The following WNT7A variants were observed in gnomAD, a reference collection of about 807,000 sequenced individuals.
The protein encoded by WNT7A is Wnt family member 7A, also known as protein Wnt-7a.
WNT7A carries 16 observed loss-of-function variants against 28.2 expected under a neutral mutation model. The observed-to-expected ratio is 0.57, with a 90% CI of 0.38 to 0.86. The LOEUF (loss-of-function observed/expected upper bound fraction) is 0.86. Ranked by LOEUF, WNT7A falls within the 40% of genes least tolerant of loss-of-function variation. The pLI is 0.00. For synonymous variants in WNT7A, 190 were observed against 195.9 expected, an observed-to-expected ratio of 0.97 and a Z score of 0.25; for missense variants, 411 against 489.7, an observed-to-expected ratio of 0.84 and a Z score of 1.52.
chr3:13,835,195 G>A (rs1694346558), intron 3 of WNT7A, among the ~76,000 whole-genome samples: 1 of 152,230 alleles, frequency 6.6e-6, no homozygotes, highest in African/African-American at 2.4e-5. Flanking sequence ...TCTTTGTCCT[G>A]ATGGTTCTCG....
chr3:13,856,101 T>C lies in WNT7A; in HGVS notation c.299-1298A>G, dbSNP rs1694726400. Among the ~76,000 whole-genome samples, 4 of 151,612 alleles carry C rather than the reference T, an allele frequency of 2.6e-5. No individual in the cohort carries two copies. In the South Asian group the frequency reaches 8.4e-4, roughly 32 times the overall value. On this transcript the variant is annotated intron_variant, in intron 2 of 3. Coordinates refer to ENST00000285018, the MANE Select transcript of WNT7A (RefSeq NM_004625.4). ...TCCCACCCTGCAGAAGGTAGGCCTG[T>C]CCACCTGCTGGACTGGACAGCTTCC...
At position 13,833,408 on chromosome 3, in the gene WNT7A, A is replaced by G. The variant is rs191934922; in HGVS notation, c.571-13985T>C. Among the ~76,000 whole-genome samples the G allele has an allele frequency of 5.8e-4, 88 of 152,306 alleles. 2 individuals are homozygous for G. In the East Asian group the frequency reaches 0.015, roughly 26 times the overall value. On this transcript the variant is annotated intron_variant, in intron 3 of 3. Coordinates refer to ENST00000285018, the MANE Select transcript of WNT7A (RefSeq NM_004625.4). Reference sequence around the variant, plus strand: ...ACCCTCAAACATGAAGGGAGCCCATATGGTGGTGGCTAGCAGATGGACCCA... The same window carrying G: ...ACCCTCAAACATGAAGGGAGCCCATGTGGTGGTGGCTAGCAGATGGACCCA...
intron 3 of WNT7A, among the ~76,000 whole-genome samples, chr3:13,825,995 A>C (rs1199497217): frequency 6.6e-6 from 1 of 152,204 alleles, no homozygotes; most frequent in East Asian, 1.9e-4. Flanking sequence ...TCTGATGAAG[A>C]GCCTTGTGTG....
At chr3:13,828,283 A>G (rs995935453) in intron 3 of WNT7A, among the ~76,000 whole-genome samples, 44 of 152,340 alleles carry the variant, frequency 2.9e-4, no homozygotes, top group Admixed American at 2.7e-3. Flanking sequence ...ACATGGGGCC[A>G]GAGGATGGCA....
At chr3:13,874,063 T>C (rs1376686161) in intron 2 of WNT7A, among the ~76,000 whole-genome samples, 1 of 152,026 alleles carries the variant, frequency 6.6e-6, no homozygotes, top group Non-Finnish European at 1.5e-5. Context: ...GGCAATGAGA[T>C]GGGGGAGCGT....
chr3:13,869,569 GAA>G (rs199683375), intron 2 of WNT7A, among the ~76,000 whole-genome samples: 1 of 138,348 alleles, frequency 7.2e-6, no homozygotes, highest in African/African-American at 2.7e-5. Context: ...AGGAAGGAAT[GAA>G]GAGAGAGAGA....
At chr3:13,835,538 C>T (rs1694353536) in intron 3 of WNT7A, among the ~76,000 whole-genome samples, 1 of 152,236 alleles carries the variant, frequency 6.6e-6, no homozygotes, top group African/African-American at 2.4e-5. Context: ...AGCAATGGGA[C>T]ACAGAGCTAG....
intron 2 of WNT7A, among the ~76,000 whole-genome samples, chr3:13,863,421 T>C (rs964535493): frequency 6.6e-6 from 1 of 151,308 alleles, no homozygotes; most frequent in African/African-American, 2.4e-5. Flanking sequence ...TATGTGTATA[T>C]GTGTGTGTGT....
At chr3:13,868,690 G>GAGAGAGAA (rs1694960148) in intron 2 of WNT7A, among the ~76,000 whole-genome samples, 1 of 19,770 alleles carries the variant, frequency 5.1e-5, no homozygotes, top group Non-Finnish European at 9.7e-5. Context: ...GAGAGAGAGA[G>GAGAGAGAA]AGAAAGAAAG....
intron 2 of WNT7A, among the ~76,000 whole-genome samples, chr3:13,866,799 G>A (rs556861313): frequency 1.3e-5 from 2 of 152,270 alleles, no homozygotes; most frequent in South Asian, 4.2e-4. Flanking sequence ...GCCACACGGA[G>A]CAACACGGAG....
chr3:13,821,458 G>A (rs1286648396), intron 3 of WNT7A, among the ~76,000 whole-genome samples: 3 of 152,184 alleles, frequency 2.0e-5, no homozygotes, highest in African/African-American at 7.2e-5. Context: ...TGTGTGCAAA[G>A]GAAACAGGTT....
chr3:13,865,808 T>C (rs902060363), intron 2 of WNT7A, among the ~76,000 whole-genome samples: 1 of 151,888 alleles, frequency 6.6e-6, no homozygotes, highest in African/African-American at 2.4e-5. Context: ...GGACACATGC[T>C]GGCGGTCTGG....
In WNT7A at chr3:13,819,269, C is replaced by T. The variant is rs773943599; in HGVS notation, c.725G>A (p.Arg242His). Reference sequence around the variant, plus strand: ...GGTGGGCCGCTTGTTGCGGCTGGCACGCACAGGCTCCACGTGAACGGCCTC... The same window carrying T: ...GGTGGGCCGCTTGTTGCGGCTGGCATGCACAGGCTCCACGTGAACGGCCTC... ...YNEAVHVEPVRASRNKRPTFL... is the reference protein window; with the variant it reads ...YNEAVHVEPVHASRNKRPTFL... The change falls in exon 4 of 4, where the codon CGT (arginine) becomes CAT (histidine). Residue 242 changes from arginine to histidine, a missense_variant. Transcript: ENST00000285018. 2 of 1,614,104 alleles carry T rather than the reference C, an allele frequency of 1.2e-6. No individual in the cohort carries two copies. The highest frequency in any genetic ancestry group is 1.3e-5 in the African/African-American group (1 of 74,942).
At chr3:13,838,231 G>A (rs757029139) in intron 3 of WNT7A, among the ~76,000 whole-genome samples, 2 of 152,172 alleles carry the variant, frequency 1.3e-5, no homozygotes, top group African/African-American at 2.4e-5. Context: ...GAGACCCAGG[G>A]CCCAGAGGGA....
chr3:13,850,502 AG>A (rs1421184371), intron 3 of WNT7A, among the ~76,000 whole-genome samples: 1 of 152,160 alleles, frequency 6.6e-6, no homozygotes, highest in Non-Finnish European at 1.5e-5. Context: ...GAGGCTGGGC[AG>A]GGACTGGGAG....
intron 3 of WNT7A, among the ~76,000 whole-genome samples, chr3:13,845,189 C>T (rs1310051628): frequency 2.6e-5 from 4 of 152,162 alleles, no homozygotes; most frequent in Non-Finnish European, 2.9e-5. Flanking sequence ...CTGGGACCCC[C>T]TTGGGCTGGC....
At chr3:13,869,305 G>A (rs920096514) in intron 2 of WNT7A, among the ~76,000 whole-genome samples, 1 of 142,152 alleles carries the variant, frequency 7.0e-6, no homozygotes, top group Non-Finnish European at 1.5e-5. Flanking sequence ...AAGAGAGGAA[G>A]AGGGAAAGAG....
intron 3 of WNT7A, among the ~76,000 whole-genome samples, chr3:13,835,242 G>A (rs1420727436): frequency 6.6e-6 from 1 of 152,226 alleles, no homozygotes; most frequent in Admixed American, 6.5e-5. Flanking sequence ...TGGCATTGGA[G>A]AAGCTCTCTC....
chr3:13,838,946 A>G (rs575902672), intron 3 of WNT7A, among the ~76,000 whole-genome samples: 1 of 152,368 alleles, frequency 6.6e-6, no homozygotes, highest in African/African-American at 2.4e-5. Context: ...TTAAAGACTT[A>G]TTACAGAAAA....
Sources: allele counts gnomAD v4.1 joint callset (sites outside exome capture counted in the v4.1 genomes callset), GRCh38; gene constraint gnomAD v4.1.1; transcripts MANE v1.5; gene names NCBI Gene and HGNC (gene_info 2026-07-23, HGNC 2026-07-21).